The following SRPK2 variants were observed in gnomAD, a reference collection of about 807,000 sequenced individuals.
The protein encoded by SRPK2 is SRSF protein kinase 2.
SRPK2 carries 21 observed loss-of-function variants against 90.8 expected under a neutral mutation model. That is an observed-to-expected ratio of 0.23 (90% confidence interval 0.16 to 0.33). The LOEUF (loss-of-function observed/expected upper bound fraction) is 0.33, where lower values mean the gene tolerates loss of function less well. Ranked by LOEUF, SRPK2 falls within the 10% of genes least tolerant of loss-of-function variation. The probability of loss-of-function intolerance (pLI) is 1.00; values close to 1 mark genes in which losing one functional copy is unlikely to be tolerated. For missense variants in SRPK2, 620 were observed against 869.0 expected (o/e 0.71, Z 3.60); for synonymous variants, 288 against 311.1 (o/e 0.93, Z 0.78).
intron 2 of SRPK2, among the ~76,000 whole-genome samples, chr7:105,295,421 A>G (rs185299614): frequency 1.3e-5 from 2 of 152,298 alleles, no homozygotes; most frequent in Admixed American, 1.3e-4. Flanking sequence ...AACTAAATGC[A>G]TTATAAAATT....
intron 2 of SRPK2, among the ~76,000 whole-genome samples, chr7:105,328,885 T>C (rs536722306): frequency 4.8e-5 from 7 of 145,980 alleles, no homozygotes; most frequent in African/African-American, 1.8e-4. Context: ...AAAAAAAAAA[T>C]TTAATAGAAA....
At chr7:105,216,427 C>A (rs551657668) in intron 2 of SRPK2, among the ~76,000 whole-genome samples, 6 of 151,956 alleles carry the variant, frequency 3.9e-5, no homozygotes, top group Non-Finnish European at 7.4e-5. Flanking sequence ...TTATCACCCC[C>A]CAAAAACTCC....
chr7:105,349,765 A>T (rs970317015), intron 2 of SRPK2, among the ~76,000 whole-genome samples: 1 of 151,666 alleles, frequency 6.6e-6, no homozygotes, highest in Non-Finnish European at 1.5e-5. Flanking sequence ...TTTGAGCTGG[A>T]GTCTCGCTCT....
intron 2 of SRPK2, among the ~76,000 whole-genome samples, chr7:105,271,643 G>A (rs1480196398): frequency 1.3e-5 from 2 of 152,132 alleles, no homozygotes; most frequent in African/African-American, 4.8e-5. Context: ...TGTCCATACT[G>A]ATATGACTTA....
chr7:105,247,273 G>A (rs1056508420), intron 2 of SRPK2, among the ~76,000 whole-genome samples: 5 of 152,076 alleles, frequency 3.3e-5, no homozygotes, highest in African/African-American at 7.2e-5. Context: ...AAAAATGATC[G>A]GTTCTGTGGC....
At chr7:105,159,463 A>AAAAAAAAAAACAAAAAAAAAAAAAAC (rs1563005807) in intron 7 of SRPK2, among the ~76,000 whole-genome samples, 1 of 146,522 alleles carries the variant, frequency 6.8e-6, no homozygotes, top group African/African-American at 2.6e-5. Flanking sequence ...AAAAAAAAAA[A>AAAAAAAAAAACAAAAAAAAAAAAAAC]AAAAAAAAAA....
intron 2 of SRPK2, among the ~76,000 whole-genome samples, chr7:105,321,714 A>T (rs1812962082): frequency 4.6e-5 from 7 of 152,144 alleles, no homozygotes; most frequent in Admixed American, 4.6e-4. Context: ...ATCATTCATA[A>T]GGAGAATGCA....
chr7:105,310,581 T>TCGCGCC (rs956807299), intron 2 of SRPK2, among the ~76,000 whole-genome samples: 4 of 151,832 alleles, frequency 2.6e-5, no homozygotes, highest in African/African-American at 9.7e-5. Context: ...GAGGCAGAGG[T>TCGCGCC]TGTAGAAGCC....
chr7:105,280,690 G>A (rs1018129254), intron 2 of SRPK2, among the ~76,000 whole-genome samples: 2 of 149,658 alleles, frequency 1.3e-5, no homozygotes, highest in Non-Finnish European at 3.0e-5. Flanking sequence ...GCTCACCCCT[G>A]TAATCCTAGC....
intron 13 of SRPK2, among the ~76,000 whole-genome samples, chr7:105,128,968 T>C (rs7797912): frequency 0.32 from 48,189 of 152,170 alleles, 7,961 homozygotes; most frequent in Admixed American, 0.37. Context: ...TAGAAGCCAA[T>C]CAATGAAATA....
chr7:105,388,717 A>G lies in SRPK2; in HGVS notation c.17-15T>C. ...AATGGCCAGCACTGGGGAAGAGAAG[A>G]CACACATTAACGGTCGGGCCGCCCG... On this transcript the variant is annotated splice_polypyrimidine_tract_variant and intron_variant, in intron 1 of 15. Transcript: ENST00000393651. The G allele has an allele frequency of 6.4e-7, 1 of 1,567,608 alleles. No individual in the cohort carries two copies. Among genetic ancestry groups the G allele is most frequent in the Non-Finnish European group, 8.7e-7 (1 of 1,155,814 alleles).
intron 2 of SRPK2, among the ~76,000 whole-genome samples, chr7:105,228,938 G>GA (rs1454840494): frequency 6.6e-6 from 1 of 152,212 alleles, no homozygotes; most frequent in Non-Finnish European, 1.5e-5. Flanking sequence ...AAGAGGCCGA[G>GA]AAAAGCCCTG....
chr7:105,299,107 T>C (rs1810211476), intron 2 of SRPK2, among the ~76,000 whole-genome samples: 1 of 152,204 alleles, frequency 6.6e-6, no homozygotes, highest in Admixed American at 6.5e-5. Flanking sequence ...GTGGGCACTC[T>C]TCCTCCTGTT....
At chr7:105,369,802 C>A (rs969906591) in intron 2 of SRPK2, among the ~76,000 whole-genome samples, 3 of 152,044 alleles carry the variant, frequency 2.0e-5, no homozygotes, top group African/African-American at 7.2e-5. Flanking sequence ...ATGAAGCAGG[C>A]GGATCGCCTG....
intron 2 of SRPK2, among the ~76,000 whole-genome samples, chr7:105,271,843 C>CT (rs1256303141): frequency 6.6e-6 from 1 of 152,108 alleles, no homozygotes; most frequent in Non-Finnish European, 1.5e-5. Flanking sequence ...ATCTGGGACC[C>CT]TATATGCTTT....
chr7:105,357,950 C>G (rs1000209622), intron 2 of SRPK2, among the ~76,000 whole-genome samples: 1 of 152,066 alleles, frequency 6.6e-6, no homozygotes, highest in Non-Finnish European at 1.5e-5. Context: ...ACAGGCCAGG[C>G]ACAGTGGCTC....
At chr7:105,131,556 C>T (rs1802004981) in intron 13 of SRPK2, among the ~76,000 whole-genome samples, 1 of 152,124 alleles carries the variant, frequency 6.6e-6, no homozygotes. Flanking sequence ...GTTTCAGGAC[C>T]TATCTGGCCA....
chr7:105,259,825 C>G (rs923889632), intron 2 of SRPK2, among the ~76,000 whole-genome samples: 1 of 152,120 alleles, frequency 6.6e-6, no homozygotes, highest in African/African-American at 2.4e-5. Flanking sequence ...GGAAAACTGG[C>G]TAGCCATATG....
At chr7:105,244,357 G>A (rs1193473431) in intron 2 of SRPK2, among the ~76,000 whole-genome samples, 1 of 152,198 alleles carries the variant, frequency 6.6e-6, no homozygotes, top group Non-Finnish European at 1.5e-5. Flanking sequence ...ATCATCTGAG[G>A]TCAGGAATTC....
Sources: gnomAD v4.1 joint callset for allele counts (sites outside exome capture counted in the v4.1 genomes callset) on GRCh38, gnomAD v4.1.1 for gene constraint, MANE v1.5 for transcripts, NCBI Gene and HGNC (gene_info 2026-07-23, HGNC 2026-07-21) for gene names.